The following CDH13 variants were observed in gnomAD, a reference collection of about 807,000 sequenced individuals.
The protein encoded by CDH13 is cadherin 13.
Under a neutral mutation model 63.8 loss-of-function variants are expected in CDH13, and 24 were observed. That is an observed-to-expected ratio of 0.38 (90% CI 0.27 to 0.53). The LOEUF is 0.53. Among genes scored for constraint, CDH13 ranks in the 20% least tolerant of loss-of-function variants. The pLI, the probability that CDH13 is intolerant of heterozygous loss-of-function variation, is 0.85. For missense variants in CDH13, 1,049 were observed against 903.1 expected (o/e 1.16, Z -2.07); for synonymous variants, 503 against 355.3 (o/e 1.42, Z -4.67).
At chr16:82,657,946 A>G (rs1225073173) in intron 1 of CDH13, among the ~76,000 whole-genome samples, 2 of 152,204 alleles carry the variant, frequency 1.3e-5, no homozygotes, top group African/African-American at 4.8e-5. Flanking sequence ...GACTTCCAGG[A>G]CGATGTTGAA....
Position 82,934,108 on chromosome 16 carries a change from C to G in CDH13, c.157+75635C>G, listed in dbSNP as rs1047417547. Reference sequence around the variant, plus strand: ...TGTGGTGGCTCTGATCCCACATTCCCCTTCTGCACTTCCCTAGCAGAGGTT... The same window carrying G: ...TGTGGTGGCTCTGATCCCACATTCCGCTTCTGCACTTCCCTAGCAGAGGTT... On this transcript the variant is annotated intron_variant, in intron 2 of 13. Transcript: ENST00000567109. Among the ~76,000 whole-genome samples the G allele has an allele frequency of 2.0e-5, 3 of 152,352 alleles. No individual in the cohort carries two copies. The East Asian group carries it at 5.8e-4, about 29-fold the overall frequency.
At chr16:82,958,113 T>A (rs1906403070) in intron 2 of CDH13, among the ~76,000 whole-genome samples, 1 of 152,162 alleles carries the variant, frequency 6.6e-6, no homozygotes, top group Non-Finnish European at 1.5e-5. Context: ...CTGTGTGCCA[T>A]ACCTAACCTA....
At chr16:83,115,600 A>T (rs545960372) in intron 3 of CDH13, among the ~76,000 whole-genome samples, 13 of 152,202 alleles carry the variant, frequency 8.5e-5, no homozygotes, top group Non-Finnish European at 1.8e-4. Context: ...TCTTACCTTG[A>T]CTTACAAGAC....
intron 7 of CDH13, among the ~76,000 whole-genome samples, chr16:83,501,028 A>G (rs1302737089): frequency 6.6e-6 from 1 of 152,204 alleles, no homozygotes; most frequent in Non-Finnish European, 1.5e-5. Context: ...TCTTGTCAAA[A>G]CATTCCCACT....
At chr16:82,687,565 T>A (rs1302085708) in intron 1 of CDH13, among the ~76,000 whole-genome samples, 1 of 152,098 alleles carries the variant, frequency 6.6e-6, no homozygotes, top group African/African-American at 2.4e-5. Flanking sequence ...AACTCCCATG[T>A]ATAAAACCAT....
chr16:83,365,183 C>A (rs1257449494), intron 6 of CDH13, among the ~76,000 whole-genome samples: 1 of 152,196 alleles, frequency 6.6e-6, no homozygotes, highest in Non-Finnish European at 1.5e-5. Flanking sequence ...AGTCTGAAGT[C>A]CTGAGAACCA....
chr16:83,029,054 T>C (rs1328361174), intron 2 of CDH13, among the ~76,000 whole-genome samples: 1 of 152,188 alleles, frequency 6.6e-6, no homozygotes, highest in Non-Finnish European at 1.5e-5. Context: ...GGGATCAAAA[T>C]AGTACTTTAT....
intron 3 of CDH13, among the ~76,000 whole-genome samples, chr16:83,042,351 A>T (rs1347515056): frequency 6.6e-6 from 1 of 152,172 alleles, no homozygotes; most frequent in Non-Finnish European, 1.5e-5. Flanking sequence ...TAGGAGTGTG[A>T]ACCCTATTGT....
intron 1 of CDH13, among the ~76,000 whole-genome samples, chr16:82,850,974 A>T (rs1046854758): frequency 1.3e-5 from 2 of 152,188 alleles, no homozygotes; most frequent in Admixed American, 6.5e-5. Context: ...AGTTCATGTG[A>T]CTCACTTTAT....
chr16:83,523,757 A>G (rs551579258), intron 7 of CDH13, among the ~76,000 whole-genome samples: 1 of 152,336 alleles, frequency 6.6e-6, no homozygotes, highest in Non-Finnish European at 1.5e-5. Flanking sequence ...ATTCTGTGGC[A>G]TGGTTGCAAG....
At chr16:83,279,890 T>C (rs914411491) in intron 5 of CDH13, among the ~76,000 whole-genome samples, 3 of 152,124 alleles carry the variant, frequency 2.0e-5, no homozygotes, top group African/African-American at 7.2e-5. Context: ...ATTTATACTA[T>C]ACTGCAATGT....
chr16:83,400,388 G>A (rs1236129010), intron 6 of CDH13, among the ~76,000 whole-genome samples: 1 of 152,132 alleles, frequency 6.6e-6, no homozygotes, highest in Admixed American at 6.6e-5. Flanking sequence ...GTAGCCTATG[G>A]GTTGGGACGG....
intron 4 of CDH13, among the ~76,000 whole-genome samples, chr16:83,154,916 A>G (rs1168847706): frequency 6.6e-6 from 1 of 152,236 alleles, no homozygotes; most frequent in African/African-American, 2.4e-5. Context: ...GCAATCTTGA[A>G]CTACATGTAC....
rs569876664 is a variant in CDH13 at position 83,069,797 on chromosome 16, A to T, written c.366+37579A>T. On this transcript the variant is annotated intron_variant, in intron 3 of 13. Transcript: ENST00000567109. ...GGAACTGGTCCATGCATCTCCTTAG[A>T]TTTAACACGATAGGCTCTGTCTCTC... Among the ~76,000 whole-genome samples, 417 of 152,220 alleles carry T rather than the reference A, an allele frequency of 2.7e-3. 4 individuals are homozygous for T. The highest frequency in any genetic ancestry group is 2.7e-3 in the Non-Finnish European group (186 of 68,008).
rs182547797 is a variant in CDH13, at chr16:83,013,306, T to C, written c.158-18704T>C. Among the ~76,000 whole-genome samples the C allele has an allele frequency of 1.9e-3, 292 of 152,294 alleles. 2 individuals are homozygous for C. The highest frequency in any genetic ancestry group is 0.017 in the Middle Eastern group (5 of 294). On this transcript the variant is annotated intron_variant, in intron 2 of 13. Transcript: ENST00000567109. ...CCGGATTTGACATGCAGGTTGTAGATTCCAGACTCCTGGTTTGGAGGCCTG... is the reference window on the plus strand; with the variant it reads ...CCGGATTTGACATGCAGGTTGTAGACTCCAGACTCCTGGTTTGGAGGCCTG...
intron 1 of CDH13, among the ~76,000 whole-genome samples, chr16:82,856,530 C>A (rs1439182133): frequency 1.3e-5 from 2 of 150,388 alleles, no homozygotes; most frequent in African/African-American, 4.9e-5. Context: ...AGTGAAACCT[C>A]CTCAGTACAA....
At chr16:83,478,463 G>T (rs1016826884) in intron 6 of CDH13, among the ~76,000 whole-genome samples, 1 of 152,106 alleles carries the variant, frequency 6.6e-6, no homozygotes, top group Non-Finnish European at 1.5e-5. Context: ...AAGGTCATTA[G>T]CATCTTCATC....
At chr16:83,190,695 G>A (rs2038670851) in intron 4 of CDH13, among the ~76,000 whole-genome samples, 1 of 152,148 alleles carries the variant, frequency 6.6e-6, no homozygotes, top group Non-Finnish European at 1.5e-5. Context: ...CTAATACTCT[G>A]TCTCTTGAAT....
At chr16:83,384,201 G>C (rs79183394) in intron 6 of CDH13, among the ~76,000 whole-genome samples, 16,254 of 152,140 alleles carry the variant, frequency 0.11, 1,137 homozygotes, top group Non-Finnish European at 0.15. Flanking sequence ...TTCTGCAACA[G>C]TGAGAAACCT....
Sources: gnomAD v4.1 joint callset for allele counts (sites outside exome capture counted in the v4.1 genomes callset) on GRCh38, gnomAD v4.1.1 for gene constraint, MANE v1.5 for transcripts, NCBI Gene and HGNC (gene_info 2026-07-23, HGNC 2026-07-21) for gene names.